Variants in TBL1X observed in about 807,000 individuals in gnomAD.
The protein encoded by TBL1X is F-box-like/WD repeat-containing protein TBL1X.
Under a neutral mutation model 50.7 loss-of-function variants are expected in TBL1X, and 10 were observed. That is an observed-to-expected ratio of 0.20 (90% CI 0.12 to 0.33). TBL1X has a LOEUF of 0.33. TBL1X is among the 10% of genes least tolerant of loss of function. The pLI is 1.00. For missense variants in TBL1X, 340 were observed against 504.4 expected (o/e 0.67, Z 3.12); for synonymous variants, 190 against 214.7 (o/e 0.88, Z 1.01).
intron 17 of TBL1X, 116 bp downstream of exon 17, chrX:9,715,119 G>A: frequency 1.4e-6 from 1 of 697,781 alleles, no homozygotes; most frequent in Non-Finnish European, 2.2e-6. Context: ...CAGTGCCAAA[G>A]GAAGCTTCTG....
chrX:9,587,581 AG>A (rs1370849369), intron 2 of TBL1X, among the ~76,000 whole-genome samples: 1 of 111,547 alleles, frequency 9.0e-6, no homozygotes, highest in Non-Finnish European at 1.9e-5. Flanking sequence ...GAAAAATTTG[AG>A]GGGGTGACAA....
At chrX:9,709,431 C>A in intron 14 of TBL1X, 109 bp downstream of exon 14, 1 of 976,491 alleles carries the variant, frequency 1.0e-6, no homozygotes, top group Non-Finnish European at 1.4e-6. Context: ...ACTGACCACC[C>A]TCCCTTCCTC....
rs866989752 is a variant in TBL1X at position 9,497,769 on chromosome X, C to T, written c.-200-4011C>T. Among the ~76,000 whole-genome samples the T allele has an allele frequency of 8.3e-5, 4 of 48,410 alleles. No individual in the cohort carries two copies. In the Admixed American group the frequency reaches 8.6e-4, roughly 10 times the overall value. The allele number at this position is 48,410 out of a possible 115,157, so 42.0% of individuals were successfully genotyped here. ...CCCTCCCTCCCTCCCTCCCTCCCTCCCTCCCTCTCTCTCTCCCTCCCTCTC... is the reference window on the plus strand; with the variant it reads ...CCCTCCCTCCCTCCCTCCCTCCCTCTCTCCCTCTCTCTCTCCCTCCCTCTC... On this transcript the variant is annotated intron_variant, in intron 1 of 17. Coordinates refer to ENST00000645353, the MANE Select transcript of TBL1X (RefSeq NM_005647.4).
At chrX:9,502,189 G>A (rs945441036) in intron 2 of TBL1X, among the ~76,000 whole-genome samples, 3 of 112,841 alleles carry the variant, frequency 2.7e-5, no homozygotes, top group African/African-American at 9.7e-5. Flanking sequence ...TTGGATACGT[G>A]GAGTAAAATA....
chrX:9,612,557 G>A (rs1230331988), intron 2 of TBL1X, among the ~76,000 whole-genome samples: 1 of 111,457 alleles, frequency 9.0e-6, no homozygotes, highest in Non-Finnish European at 1.9e-5. Context: ...TTAACCCAAC[G>A]TATCCAAAAT....
chrX:9,693,524 C>G, intron 11 of TBL1X, 105 bp downstream of exon 11: 1 of 762,677 alleles, frequency 1.3e-6, no homozygotes, highest in Non-Finnish European at 1.9e-6. Flanking sequence ...TTTGTGCTTC[C>G]CCTTAAGAAA....
chrX:9,518,144 T>TA (rs1406207313), intron 2 of TBL1X, among the ~76,000 whole-genome samples: 3 of 110,124 alleles, frequency 2.7e-5, no homozygotes, highest in African/African-American at 9.9e-5. Context: ...ACCTTGTTGA[T>TA]ACATGGAAAT....
intron 2 of TBL1X, among the ~76,000 whole-genome samples, chrX:9,587,067 C>G (rs1482220745): frequency 8.9e-6 from 1 of 111,935 alleles, no homozygotes; most frequent in East Asian, 2.8e-4. Context: ...GTTATTTCCG[C>G]CCTTGGAGTG....
Position 9,705,112 on chromosome X carries a change from A to T in TBL1X, c.1234A>T (p.Thr412Ser), listed in dbSNP as rs2083198835. Residue 412 changes from threonine to serine, a missense_variant and splice_region_variant, in exon 13 of 18, where the codon ACA (threonine) becomes TCA (serine). By Grantham distance (58) the Thr-to-Ser change is moderately conservative. Coordinates refer to ENST00000645353, the MANE Select transcript of TBL1X (RefSeq NM_005647.4). The part of the protein sequence containing the change: ...DRPVKTFQGH[T>S]NEVNAIKWDP... ...CCCAGTCAAAACCTTCCAGGGACACACAGTAAGTGAGAGCTCTTGTCACTG... is the reference window on the plus strand; with the variant it reads ...CCCAGTCAAAACCTTCCAGGGACACTCAGTAAGTGAGAGCTCTTGTCACTG... The T allele has an allele frequency of 8.2e-7, 1 of 1,212,174 alleles. No individual in the cohort carries two copies. The highest frequency in any genetic ancestry group is 1.1e-6 in the Non-Finnish European group (1 of 895,569).
chrX:9,492,894 T>TGTGTGTGTGTGTGTGTAG (rs796965171), intron 1 of TBL1X, among the ~76,000 whole-genome samples: 3 of 24,188 alleles, frequency 1.2e-4, no homozygotes, highest in African/African-American at 3.0e-4. Context: ...TGTGTGTGTG[T>TGTGTGTGTGTGTGTGTAG]GTGTAGGGGA....
intron 5 of TBL1X, among the ~76,000 whole-genome samples, chrX:9,672,833 T>C (rs73188228): frequency 0.22 from 25,040 of 111,948 alleles, 2,169 homozygotes; most frequent in African/African-American, 0.28. Flanking sequence ...CTCTATCCTG[T>C]GATTATGTCA....
intron 2 of TBL1X, among the ~76,000 whole-genome samples, chrX:9,502,983 A>G (rs2082008805): frequency 8.9e-6 from 1 of 112,903 alleles, no homozygotes; most frequent in Admixed American, 9.3e-5. Flanking sequence ...TCCAGAACTC[A>G]AATCAGTGAA....
chrX:9,518,471 C>G (rs1010184921), intron 2 of TBL1X, among the ~76,000 whole-genome samples: 4 of 112,500 alleles, frequency 3.6e-5, no homozygotes, highest in Non-Finnish European at 7.5e-5. Context: ...TCACTTACTT[C>G]ATGTGAAGTC....
At chrX:9,465,842 C>T (rs968038055) in intron 1 of TBL1X, among the ~76,000 whole-genome samples, 3 of 113,060 alleles carry the variant, frequency 2.7e-5, no homozygotes, top group Admixed American at 9.2e-5. Context: ...CCACCGCGGG[C>T]TCCGGGGACC....
chrX:9,713,421 C>CTTTTTTT lies in TBL1X; in HGVS notation c.1606-1477_1606-1476insTTTTTTT, dbSNP rs757107084. ...TTATAAATCAAAGAAATCCTTAGGA[C>CTTTTTTT]TTTTCTTTTTTTTTTTTTTTTTTGG... On this transcript the variant is annotated intron_variant, in intron 16 of 17. Transcript: ENST00000645353. 2.4e-4 allele frequency among the ~76,000 whole-genome samples: 21 copies of CTTTTTTT among 87,566 alleles called. 2 individuals are homozygous for CTTTTTTT. Among genetic ancestry groups the CTTTTTTT allele is most frequent in the Non-Finnish European group, 2.3e-4 (11 of 46,910 alleles). 76.0% of individuals were successfully genotyped at this position (87,566 alleles called of 115,157 possible).
At chrX:9,705,161 T>C in intron 13 of TBL1X, 47 bp downstream of exon 13, 1 of 1,208,521 alleles carries the variant, frequency 8.3e-7, no homozygotes, top group African/African-American at 1.7e-5. Flanking sequence ...GAGAATGTGA[T>C]GTGGGAGCCG....
rs142164141 is a variant in TBL1X, at chrX:9,647,899, C to T, written c.-42-5646C>T. ...CTTTCAGGTCTCTCTTGGGGAATTG[C>T]TGGAGGAGCTAAAATACCAGCTCCC... On this transcript the variant is annotated intron_variant, in intron 3 of 17. Coordinates refer to ENST00000645353, the MANE Select transcript of TBL1X (RefSeq NM_005647.4). 5.0e-3 allele frequency among the ~76,000 whole-genome samples: 559 copies of T among 111,906 alleles called. 4 individuals are homozygous for T. The highest frequency in any genetic ancestry group is 0.017 in the African/African-American group (523 of 30,763).
chrX:9,521,067 C>T (rs919279380), intron 2 of TBL1X, among the ~76,000 whole-genome samples: 4 of 110,784 alleles, frequency 3.6e-5, no homozygotes, highest in African/African-American at 9.9e-5. Context: ...CACTGCGCAC[C>T]GGCCTGGGTG....
intron 2 of TBL1X, among the ~76,000 whole-genome samples, chrX:9,592,809 A>G (rs28704827): frequency 0.15 from 16,305 of 111,795 alleles, 1,926 homozygotes; most frequent in African/African-American, 0.41. Flanking sequence ...ATGTCATCGT[A>G]TTTTTGTGGC....
Sources: allele counts gnomAD v4.1 joint callset (sites outside exome capture counted in the v4.1 genomes callset), GRCh38; gene constraint gnomAD v4.1.1; transcripts MANE v1.5; gene names NCBI Gene and HGNC (gene_info 2026-07-23, HGNC 2026-07-21).